The following SH3KBP1 variants were observed in gnomAD, a reference collection of about 807,000 sequenced individuals.
SH3KBP1 encodes SH3 domain containing kinase binding protein 1.
In SH3KBP1, 8 loss-of-function variants were observed where a neutral mutation model predicts 50.1. The observed-to-expected ratio is 0.16, with a 90% CI of 0.09 to 0.29. SH3KBP1 has a LOEUF of 0.29. Ranked by LOEUF, SH3KBP1 falls within the 10% of genes least tolerant of loss-of-function variation. The pLI, the probability that SH3KBP1 is intolerant of heterozygous loss-of-function variation, is 1.00. For synonymous variants in SH3KBP1, 227 were observed against 218.6 expected, an observed-to-expected ratio of 1.04 and a Z score of -0.34; for missense variants, 377 against 535.2, an observed-to-expected ratio of 0.70 and a Z score of 2.92.
intron 2 of SH3KBP1, among the ~76,000 whole-genome samples, chrX:19,789,588 C>A (rs768821121): frequency 1.8e-5 from 2 of 109,142 alleles, no homozygotes; most frequent in African/African-American, 6.7e-5. Context: ...TGGTATCTCT[C>A]GGTGAGCCCT....
intron 6 of SH3KBP1, among the ~76,000 whole-genome samples, chrX:19,651,910 C>A (rs1414283511): frequency 8.9e-6 from 1 of 111,987 alleles, no homozygotes; most frequent in Non-Finnish European, 1.9e-5. Context: ...CCTTTCTTGC[C>A]CTTTTCCTTC....
intron 2 of SH3KBP1, among the ~76,000 whole-genome samples, chrX:19,819,275 T>TTGTGTAGG (rs2067450353): frequency 8.9e-6 from 1 of 111,887 alleles, no homozygotes; most frequent in African/African-American, 3.2e-5. Flanking sequence ...CCTACTATGC[T>TTGTGTAGG]AATTTGTGTC....
intron 2 of SH3KBP1, among the ~76,000 whole-genome samples, chrX:19,749,740 C>A (rs768834794): frequency 2.7e-5 from 3 of 112,454 alleles, no homozygotes; most frequent in African/African-American, 9.7e-5. Context: ...ATAGATAGTA[C>A]GGATAGTTGC....
Position 19,536,393 on chromosome X carries a change from T to G in SH3KBP1, c.*24A>C. ...TGAGTCTCGGACTCAGGATGAATAATGTGACATTTCATTGATCAAGTATTC... is the reference window on the plus strand; with the variant it reads ...TGAGTCTCGGACTCAGGATGAATAAGGTGACATTTCATTGATCAAGTATTC... On this transcript the variant is annotated 3_prime_UTR_variant, in exon 18 of 18. Transcript: ENST00000397821. 1 of 1,078,095 alleles carries G rather than the reference T, an allele frequency of 9.3e-7. No homozygotes were observed. The highest frequency in any genetic ancestry group is 1.3e-6 in the Non-Finnish European group (1 of 785,068). The allele number at this position is 1,078,095 out of a possible 1,213,427, so 88.8% of individuals were successfully genotyped here. A position where few individuals can be genotyped will look rare whatever the true frequency, so the allele number is the denominator to read the frequency against.
intron 12 of SH3KBP1, among the ~76,000 whole-genome samples, chrX:19,575,144 A>G (rs1331766711): frequency 8.9e-6 from 1 of 112,950 alleles, no homozygotes; most frequent in African/African-American, 3.2e-5. Context: ...TGCAACTGTT[A>G]AAATTATAAA....
At chrX:19,887,260 CCCT>C in intron 1 of SH3KBP1, 44 bp downstream of exon 1, 1 of 967,252 alleles carries the variant, frequency 1.0e-6, no homozygotes. Context: ...TGGCGCGCCG[CCCT>C]CAAGGCTGAA....
rs147518706 is a variant in SH3KBP1 at position 19,886,127 on chromosome X, G to C, written c.4+1180C>G. 5.2e-3 allele frequency among the ~76,000 whole-genome samples: 583 copies of C among 112,333 alleles called. 5 individuals are homozygous for C. The highest frequency in any genetic ancestry group is 0.018 in the African/African-American group (556 of 30,888). On this transcript the variant is annotated intron_variant, in intron 1 of 17. Coordinates refer to ENST00000397821, the MANE Select transcript of SH3KBP1 (RefSeq NM_031892.3). The stretch of plus-strand genomic sequence containing the variant: ...TGACATTTAAGCCAAGGGGACAACA[G>C]ATCACCACTACTTAGAAAAGGAAAA...
Position 19,698,718 on chromosome X carries a change from G to A in SH3KBP1, c.391-2977C>T, listed in dbSNP as rs188703035. 9.0e-5 allele frequency among the ~76,000 whole-genome samples: 10 copies of A among 111,710 alleles called. No homozygotes were observed. In the East Asian group the frequency reaches 2.0e-3, roughly 22 times the overall value. On this transcript the variant is annotated intron_variant, in intron 4 of 17. Coordinates refer to ENST00000397821, the MANE Select transcript of SH3KBP1 (RefSeq NM_031892.3). The stretch of plus-strand genomic sequence containing the variant: ...TAGCCAGGCCAGCTGTTTTGGTCTC[G>A]AGACTGAGGCTGGAGATAAGAGAAA...
chrX:19,541,878 C>T (rs751091247), intron 16 of SH3KBP1, 47 bp downstream of exon 16: 1 of 1,171,869 alleles, frequency 8.5e-7, no homozygotes, highest in Non-Finnish European at 1.1e-6. Context: ...GCTGGCCTGG[C>T]AGAGAGCAAC....
intron 6 of SH3KBP1, among the ~76,000 whole-genome samples, chrX:19,659,444 T>TC (rs397978414): frequency 3.6e-5 from 4 of 110,292 alleles, no homozygotes; most frequent in Non-Finnish European, 7.6e-5. Context: ...AATTTTTTTT[T>TC]CTAGAGACAG....
chrX:19,642,084 C>T (rs751537749), intron 7 of SH3KBP1, among the ~76,000 whole-genome samples: 2 of 112,036 alleles, frequency 1.8e-5, no homozygotes, highest in African/African-American at 6.5e-5. Context: ...TCAAGAGATC[C>T]TCCCGCCTCG....
chrX:19,743,124 C>T (rs770601551), intron 3 of SH3KBP1, among the ~76,000 whole-genome samples: 51 of 111,913 alleles, frequency 4.6e-4, no homozygotes, highest in African/African-American at 1.6e-3. Context: ...AAATGAAAAG[C>T]CAGCCAGTCA....
Position 19,651,349 on chromosome X carries a change from C to T in SH3KBP1, c.727-5874G>A, listed in dbSNP as rs758299187. 9.0e-5 allele frequency among the ~76,000 whole-genome samples: 10 copies of T among 110,937 alleles called. No homozygotes were observed. The East Asian group carries it at 1.1e-3, about 13-fold the overall frequency. On this transcript the variant is annotated intron_variant, in intron 6 of 17. Transcript: ENST00000397821. ...GAAGATACACCAGAGTAAAATACAA[C>T]GCAAAATTCTAAAAATAAAGCGTAT... is the stretch of plus-strand genomic sequence containing the variant.
At chrX:19,827,617 A>G (rs2067722630) in intron 2 of SH3KBP1, among the ~76,000 whole-genome samples, 1 of 110,568 alleles carries the variant, frequency 9.0e-6, no homozygotes, top group Non-Finnish European at 1.9e-5. Context: ...TTGCTTGACT[A>G]AAGAACAATG....
At chrX:19,549,622 T>C (rs2065183892) in intron 14 of SH3KBP1, among the ~76,000 whole-genome samples, 1 of 111,738 alleles carries the variant, frequency 8.9e-6, no homozygotes. Context: ...TTGTTTTGTT[T>C]ACACACCAAA....
chrX:19,876,084 C>T (rs1014094306), intron 1 of SH3KBP1, among the ~76,000 whole-genome samples: 1 of 112,253 alleles, frequency 8.9e-6, no homozygotes, highest in African/African-American at 3.2e-5. Context: ...TAAGGCCGGG[C>T]GTGGTGGCTC....
At chrX:19,762,227 T>C (rs192836338) in intron 2 of SH3KBP1, among the ~76,000 whole-genome samples, 9 of 112,426 alleles carry the variant, frequency 8.0e-5, no homozygotes, top group Admixed American at 1.9e-4. Flanking sequence ...AAATTGATAA[T>C]AGCCCTTTCC....
chrX:19,753,554 G>A (rs1034398873), intron 2 of SH3KBP1, among the ~76,000 whole-genome samples: 1 of 110,437 alleles, frequency 9.1e-6, no homozygotes, highest in Non-Finnish European at 1.9e-5. Context: ...TGTTCCCTTC[G>A]TGCAGAGACT....
At chrX:19,772,078 C>T (rs2065805785) in intron 2 of SH3KBP1, among the ~76,000 whole-genome samples, 1 of 110,007 alleles carries the variant, frequency 9.1e-6, no homozygotes, top group East Asian at 2.8e-4. Context: ...TAAGTATACA[C>T]ATTATTTAAG....
Sources: gnomAD v4.1 joint callset for allele counts (sites outside exome capture counted in the v4.1 genomes callset) on GRCh38, gnomAD v4.1.1 for gene constraint, MANE v1.5 for transcripts, NCBI Gene and HGNC (gene_info 2026-07-23, HGNC 2026-07-21) for gene names.